The following PTPN11 variants were observed in gnomAD, a reference collection of about 807,000 sequenced individuals.
PTPN11 encodes tyrosine-protein phosphatase non-receptor type 11.
Under a neutral mutation model 78.8 loss-of-function variants are expected in PTPN11, and 6 were observed. The ratio of observed to expected loss-of-function variants is 0.08; its 90% CI spans 0.04 to 0.15. PTPN11 has a LOEUF of 0.15. Among genes scored for constraint, PTPN11 ranks in the 10% least tolerant of loss-of-function variants. PTPN11 has a pLI of 1.00. For synonymous variants in PTPN11, 221 were observed against 263.5 expected (o/e 0.84, Z 1.56); for missense variants, 386 against 744.8 (o/e 0.52, Z 5.61).
chr12:112,433,124 G>A (rs1296074240), intron 1 of PTPN11, among the ~76,000 whole-genome samples: 1 of 152,190 alleles, frequency 6.6e-6, no homozygotes, highest in Non-Finnish European at 1.5e-5. Context: ...GCCTCCCAAA[G>A]TGCTGGGATT....
rs1046689992 is a variant in PTPN11 at position 112,419,036 on chromosome 12, C to G, written c.-76C>G. The G allele has an allele frequency of 2.6e-6, 4 of 1,526,332 alleles. No homozygotes were observed. The South Asian group carries it at 4.8e-5, about 18-fold the overall frequency. The allele number at this position is 1,526,332 out of a possible 1,614,324, so 94.5% of individuals were successfully genotyped here. ...CGGTCCCGAGCGGGCCTCCCTCGGGCCAGCCCGATGTGACCGAGCCCAGCG... is the reference window on the plus strand; with the variant it reads ...CGGTCCCGAGCGGGCCTCCCTCGGGGCAGCCCGATGTGACCGAGCCCAGCG... On this transcript the variant is annotated 5_prime_UTR_variant, in exon 1 of 16. Transcript: ENST00000351677.
intron 10 of PTPN11, among the ~76,000 whole-genome samples, chr12:112,484,318 C>T (rs1280259595): frequency 1.3e-5 from 2 of 152,178 alleles, no homozygotes; most frequent in Non-Finnish European, 2.9e-5. Flanking sequence ...TACCCATTGC[C>T]TGGTTTTTCT....
chr12:112,454,653 A>G lies in PTPN11; in HGVS notation c.615A>G (p.Thr205=), dbSNP rs1592830197. 2 of 1,613,268 alleles carry G rather than the reference A, an allele frequency of 1.2e-6. No individual in the cohort carries two copies. The highest frequency in any genetic ancestry group is 2.7e-5 in the African/African-American group (2 of 74,900). The change falls in exon 5 of 16, where the codon ACA becomes ACG. Residue 205 remains threonine (T), a synonymous_variant. Coordinates refer to ENST00000351677, the MANE Select transcript of PTPN11 (RefSeq NM_002834.5). ...ATAAGAAGAATCCTATGGTGGAAAC[A>G]TTGGGTACAGTACTACAACTCAAGC... ...EHYKKNPMVE[T]LGTVLQLKQP...
At chr12:112,420,582 TC>T (rs771509572) in intron 1 of PTPN11, among the ~76,000 whole-genome samples, 1 of 152,150 alleles carries the variant, frequency 6.6e-6, no homozygotes, top group African/African-American at 2.4e-5. Context: ...GACCTCGTGA[TC>T]CGCCCGCCTT....
At chr12:112,439,899 G>C (rs1210586617) in intron 1 of PTPN11, among the ~76,000 whole-genome samples, 1 of 151,258 alleles carries the variant, frequency 6.6e-6, no homozygotes, top group African/African-American at 2.4e-5. Context: ...TTTTCCTCTT[G>C]GTAGAAGGCA....
At chr12:112,460,077 A>G (rs2038225844) in intron 6 of PTPN11, among the ~76,000 whole-genome samples, 1 of 152,132 alleles carries the variant, frequency 6.6e-6, no homozygotes, top group South Asian at 2.1e-4. Flanking sequence ...CCTCCTGAGT[A>G]GCTGGGACTA....
chr12:112,501,346 G>T (rs2038872415), intron 13 of PTPN11, among the ~76,000 whole-genome samples: 1 of 152,212 alleles, frequency 6.6e-6, no homozygotes, highest in African/African-American at 2.4e-5. Flanking sequence ...TGGGTCAGGT[G>T]TGTGTTGGCT....
intron 6 of PTPN11, among the ~76,000 whole-genome samples, chr12:112,469,706 G>A (rs1332244944): frequency 6.6e-6 from 1 of 152,038 alleles, no homozygotes; most frequent in African/African-American, 2.4e-5. Flanking sequence ...GTAGAGACCA[G>A]GTTTTGCCAT....
rs536503257 is a variant in PTPN11, at chr12:112,446,287, C to G, written c.26C>G (p.Pro9Arg). The G allele has an allele frequency of 1.2e-6, 2 of 1,613,982 alleles. No homozygotes were observed. The change falls in exon 2 of 16, where the codon CCA becomes CGA. Residue 9 changes from proline to arginine, a missense_variant. Physicochemically the swap from Pro to Arg is moderately radical, Grantham distance 103. Transcript: ENST00000351677. ...TCTTTCTTTTTAAGATGGTTTCACCCAAATATCACTGGTGTGGAGGCAGAA... is the reference window on the plus strand; with the variant it reads ...TCTTTCTTTTTAAGATGGTTTCACCGAAATATCACTGGTGTGGAGGCAGAA... MTSRRWFH[P>R]NITGVEAENL...
At chr12:112,481,547 C>A (rs1314348881) in intron 9 of PTPN11, among the ~76,000 whole-genome samples, 3 of 151,948 alleles carry the variant, frequency 2.0e-5, no homozygotes, top group Admixed American at 2.0e-4. Context: ...GGCTGGAGTG[C>A]AGTGGCATGA....
chr12:112,441,350 C>T (rs1035764658), intron 1 of PTPN11, among the ~76,000 whole-genome samples: 1 of 151,914 alleles, frequency 6.6e-6, no homozygotes, highest in Non-Finnish European at 1.5e-5. Flanking sequence ...CATTCTCTGC[C>T]TCCCAGACTC....
intron 6 of PTPN11, among the ~76,000 whole-genome samples, chr12:112,464,663 G>A (rs2038299533): frequency 6.6e-6 from 1 of 152,112 alleles, no homozygotes; most frequent in South Asian, 2.1e-4. Flanking sequence ...GACCTTAAGT[G>A]ATCTTCCTGC....
intron 13 of PTPN11, among the ~76,000 whole-genome samples, chr12:112,499,877 G>A (rs2135926874): frequency 6.6e-6 from 1 of 151,630 alleles, no homozygotes; most frequent in Middle Eastern, 3.4e-3. Flanking sequence ...AGGAGTTTGA[G>A]GCTGCAGTGA....
At chr12:112,419,493 C>G (rs1049785462) in intron 1 of PTPN11, among the ~76,000 whole-genome samples, 4 of 152,208 alleles carry the variant, frequency 2.6e-5, no homozygotes, top group Non-Finnish European at 5.9e-5. Flanking sequence ...CCGAAATAAC[C>G]CTGCTCACTT....
chr12:112,504,201 CTGT>C lies in PTPN11; in HGVS notation c.1713-489_1713-487del, dbSNP rs2038908228. On this transcript the variant is annotated intron_variant, in intron 14 of 15. Coordinates refer to ENST00000351677, the MANE Select transcript of PTPN11 (RefSeq NM_002834.5). This position sits in a 1 kb window ranked among gnomAD's most constrained non-coding sequence, Gnocchi z 4.7. ...AGGACTTGAGGCTTTTATTGCACTT[CTGT>C]TGTTTTTTTGAGATGGAGTCTCGCT... 6.6e-6 allele frequency among the ~76,000 whole-genome samples: 1 copy of C among 152,062 alleles called. No homozygotes were observed. Among genetic ancestry groups the C allele is most frequent in the African/African-American group, 2.4e-5 (1 of 41,420 alleles).
chr12:112,482,602 C>T lies in PTPN11; in HGVS notation c.1224+397C>T, dbSNP rs554570328. Among the ~76,000 whole-genome samples the T allele has an allele frequency of 8.5e-5, 13 of 152,212 alleles. No homozygotes were observed. The highest frequency in any genetic ancestry group is 3.9e-4 in the East Asian group (2 of 5,174). ...GCTACAAGGTCTGTTAGGAGGCCTC[C>T]GCAGGGGCCTATGTTGATGGCCTCC... On this transcript the variant is annotated intron_variant, in intron 10 of 15. Coordinates refer to ENST00000351677, the MANE Select transcript of PTPN11 (RefSeq NM_002834.5). The surrounding 1 kb of genome is among the most constrained non-coding windows in gnomAD (Gnocchi z 4.4).
intron 1 of PTPN11, among the ~76,000 whole-genome samples, chr12:112,442,881 TTATA>T (rs1211007369): frequency 1.1e-5 from 1 of 90,846 alleles, no homozygotes; most frequent in African/African-American, 4.2e-5. Context: ...TATATATAAA[TTATA>T]TATACACTAC....
At chr12:112,497,851 A>G (rs534492666) in intron 13 of PTPN11, among the ~76,000 whole-genome samples, 9 of 152,184 alleles carry the variant, frequency 5.9e-5, no homozygotes, top group Non-Finnish European at 1.3e-4. Context: ...GGGGAATGAC[A>G]TAAAAAGATC....
rs568340444 is a variant in PTPN11 at position 112,486,818 on chromosome 12, G to A, written c.1379+189G>A. 39 of 1,454,136 alleles carry A rather than the reference G, an allele frequency of 2.7e-5. No individual in the cohort carries two copies. The South Asian group carries it at 5.4e-4, about 20-fold the overall frequency. The allele number at this position is 1,454,136 out of a possible 1,614,324, so 90.1% of individuals were successfully genotyped here. A position where few individuals can be genotyped will look rare whatever the true frequency, so the allele number is the denominator to read the frequency against. On this transcript the variant is annotated intron_variant, in intron 11 of 15. Transcript: ENST00000351677. The stretch of plus-strand genomic sequence containing the variant: ...TATTTCTCCTAGACCCTACAGCACT[G>A]CCATTGGCCATGGCCATGGCAACAT...
Sources: allele counts gnomAD v4.1 joint callset (sites outside exome capture counted in the v4.1 genomes callset), GRCh38; gene constraint gnomAD v4.1.1; non-coding constraint Gnocchi (gnomAD v3.1); transcripts MANE v1.5; gene names NCBI Gene and HGNC (gene_info 2026-07-23, HGNC 2026-07-21).